Variants in SLC5A3 observed in about 807,000 individuals in gnomAD.
SLC5A3 encodes the protein sodium/myo-inositol cotransporter.
In SLC5A3, 10 loss-of-function variants were observed where a neutral mutation model predicts 43.2. That is an observed-to-expected ratio of 0.23 (90% confidence interval 0.14 to 0.39). The LOEUF is 0.39. SLC5A3 is among the 10% of genes least tolerant of loss of function. SLC5A3 has a pLI of 1.00. For missense variants in SLC5A3, 608 were observed against 893.4 expected (o/e 0.68, Z 4.07); for synonymous variants, 349 against 322.0 (o/e 1.08, Z -0.90).
intron 1 of SLC5A3, among the ~76,000 whole-genome samples, chr21:34,094,558 A>G (rs1978876200): frequency 2.0e-5 from 3 of 152,124 alleles, no homozygotes; most frequent in Admixed American, 6.5e-5. Context: ...ATCTGAGCAT[A>G]CCACAGTAAG....
Position 34,106,089 on chromosome 21 carries a change from T to C in SLC5A3, c.*8734T>C, listed in dbSNP as rs543331053. 1 of 999,394 alleles carries C rather than the reference T, an allele frequency of 1.0e-6. No individual in the cohort carries two copies. Among genetic ancestry groups the C allele is most frequent in the African/African-American group, 1.7e-5 (1 of 57,370 alleles). 61.9% of individuals were successfully genotyped at this position (999,394 alleles called of 1,614,324 possible). ...ACTGTTCTTTGTGTACTGTGTGTTA[T>C]TTTGCCAGCTGCTGCATTAGCCTTC... On this transcript the variant is annotated 3_prime_UTR_variant, in exon 2 of 2. Coordinates refer to ENST00000381151, the MANE Select transcript of SLC5A3 (RefSeq NM_006933.7).
chr21:34,105,865 A>T lies in SLC5A3; in HGVS notation c.*8510A>T, dbSNP rs1001139876. 1 of 993,752 alleles carries T rather than the reference A, an allele frequency of 1.0e-6. No homozygotes were observed. Among genetic ancestry groups the T allele is most frequent in the African/African-American group, 1.7e-5 (1 of 57,268 alleles). The allele number at this position is 993,752 out of a possible 1,614,324, so 61.6% of individuals were successfully genotyped here. A position where few individuals can be genotyped will look rare whatever the true frequency, so the allele number is the denominator to read the frequency against. On this transcript the variant is annotated 3_prime_UTR_variant, in exon 2 of 2. Transcript: ENST00000381151. ...TCTATATTGAAAGGAGTACAGTTGA[A>T]ATTGTAGATTTAAGATTGTTAAAAT... is the stretch of plus-strand genomic sequence containing the variant.
intron 1 of SLC5A3, among the ~76,000 whole-genome samples, chr21:34,081,811 GTTTA>G (rs1373769212): frequency 6.6e-6 from 1 of 152,116 alleles, no homozygotes; most frequent in Non-Finnish European, 1.5e-5. Flanking sequence ...ATTATTCCCA[GTTTA>G]TTAATGAAGA....
At chr21:34,086,550 T>G (rs919384505) in intron 1 of SLC5A3, among the ~76,000 whole-genome samples, 1 of 151,436 alleles carries the variant, frequency 6.6e-6, no homozygotes, top group African/African-American at 2.4e-5. Context: ...TGTGTGTGTA[T>G]CTTCCTGAAA....
At position 34,097,222 on chromosome 21, in the gene SLC5A3, G is replaced by C; in HGVS notation, c.2024G>C (p.Arg675Thr). Residue 675 changes from arginine to threonine, a missense_variant, in exon 2 of 2, where the codon AGA becomes ACA. Around this residue, in one of 2 missense-constraint regions of SLC5A3, gnomAD observed 210 missense variants for 224.8 expected, o/e 0.93. Coordinates refer to ENST00000381151, the MANE Select transcript of SLC5A3 (RefSeq NM_006933.7). ...AAGAGCCTCAGCAAGAGGAGTCTCA[G>C]AGACCTGATGGAAGAGGAGGCTGTT... is the stretch of plus-strand genomic sequence containing the variant. ...KSKSLSKRSL[R>T]DLMEEEAVCL... is the part of the protein sequence containing the mutation. 6.2e-7 allele frequency: 1 copy of C among 1,614,078 alleles called. No homozygotes were observed. The highest frequency in any genetic ancestry group is 8.5e-7 in the Non-Finnish European group (1 of 1,179,944).
intron 1 of SLC5A3, among the ~76,000 whole-genome samples, chr21:34,079,106 C>T (rs1425439707): frequency 6.6e-6 from 1 of 152,184 alleles, no homozygotes; most frequent in Non-Finnish European, 1.5e-5. Flanking sequence ...AGTTGGCAGC[C>T]TGTGGCTTCC....
rs912466475 is a variant in SLC5A3 at position 34,104,567 on chromosome 21, G to T, written c.*7212G>T. 1 of 999,166 alleles carries T rather than the reference G, an allele frequency of 1.0e-6. No homozygotes were observed. Among genetic ancestry groups the T allele is most frequent in the Non-Finnish European group, 1.2e-6 (1 of 829,136 alleles). The allele number at this position is 999,166 out of a possible 1,614,324, so 61.9% of individuals were successfully genotyped here. A position where few individuals can be genotyped will look rare whatever the true frequency, so the allele number is the denominator to read the frequency against. On this transcript the variant is annotated 3_prime_UTR_variant, in exon 2 of 2. Transcript: ENST00000381151. ...ATCTAGAAGGAAGACTATATCTGGT[G>T]TAGACTAATATGAGATGTTTTAGAA...
chr21:34,097,758 CTG>C lies in SLC5A3; in HGVS notation c.*405_*406del. ...CATTTCTAAATTTTTTTTTCTGTCT[CTG>C]TAATCCCTCCTACCATTAAGAAAAA... On this transcript the variant is annotated 3_prime_UTR_variant, in exon 2 of 2. Coordinates refer to ENST00000381151, the MANE Select transcript of SLC5A3 (RefSeq NM_006933.7). 3 of 1,004,082 alleles carry C rather than the reference CTG, an allele frequency of 3.0e-6. No homozygotes were observed. Among genetic ancestry groups the C allele is most frequent in the Non-Finnish European group, 3.6e-6 (3 of 832,538 alleles). The allele number at this position is 1,004,082 out of a possible 1,614,324, so 62.2% of individuals were successfully genotyped here.
At chr21:34,075,960 T>C (rs564154959) in intron 1 of SLC5A3, among the ~76,000 whole-genome samples, 2 of 152,348 alleles carry the variant, frequency 1.3e-5, no homozygotes, top group South Asian at 4.1e-4. Flanking sequence ...CGAGGCACTT[T>C]GTGCTTCTGT....
rs2032107 is a variant in SLC5A3 at position 34,102,305 on chromosome 21, T to C, written c.*4950T>C. ...TGTTTTTATTTAAACTTCTCTCTCT[T>C]CAATGCTGAGAATAAGGCTTTAAAT... On this transcript the variant is annotated 3_prime_UTR_variant, in exon 2 of 2. Coordinates refer to ENST00000381151, the MANE Select transcript of SLC5A3 (RefSeq NM_006933.7). 0.099 allele frequency: 99,200 copies of C among 998,448 alleles called. 9,933 individuals are homozygous for C. Among genetic ancestry groups the C allele is most frequent in the African/African-American group, 0.49 (27,925 of 57,168 alleles). 61.8% of individuals were successfully genotyped at this position (998,448 alleles called of 1,614,324 possible).
Position 34,097,438 on chromosome 21 carries a change from A to G in SLC5A3, c.*83A>G. ...AAAGTTATGTAACTGTGCATCTCTC[A>G]GGCATTGTTTACGCTGTAGGTTTTA... On this transcript the variant is annotated 3_prime_UTR_variant, in exon 2 of 2. Transcript: ENST00000381151. 6.6e-7 allele frequency: 1 copy of G among 1,504,350 alleles called. No homozygotes were observed. Among genetic ancestry groups the G allele is most frequent in the Non-Finnish European group, 8.9e-7 (1 of 1,129,732 alleles). The allele number at this position is 1,504,350 out of a possible 1,614,324, so 93.2% of individuals were successfully genotyped here. A position where few individuals can be genotyped will look rare whatever the true frequency, so the allele number is the denominator to read the frequency against.
rs988550533 is a variant in SLC5A3 at position 34,099,431 on chromosome 21, C to T, written c.*2076C>T. On this transcript the variant is annotated 3_prime_UTR_variant, in exon 2 of 2. Coordinates refer to ENST00000381151, the MANE Select transcript of SLC5A3 (RefSeq NM_006933.7). Reference sequence around the variant, plus strand: ...GGAACTGTTCTTCCTTTGGGACAACCTTTTGGTGTTTGGGAAAGTAATAAG... The same window carrying T: ...GGAACTGTTCTTCCTTTGGGACAACTTTTTGGTGTTTGGGAAAGTAATAAG... 1 of 999,998 alleles carries T rather than the reference C, an allele frequency of 1.0e-6. No individual in the cohort carries two copies. Among genetic ancestry groups the T allele is most frequent in the Non-Finnish European group, 1.2e-6 (1 of 829,846 alleles). The allele number at this position is 999,998 out of a possible 1,614,324, so 61.9% of individuals were successfully genotyped here. A position where few individuals can be genotyped will look rare whatever the true frequency, so the allele number is the denominator to read the frequency against.
rs182934815 is a variant in SLC5A3 at position 34,099,073 on chromosome 21, C to G, written c.*1718C>G. The G allele has an allele frequency of 1.0e-6, 1 of 998,914 alleles. No homozygotes were observed. The highest frequency in any genetic ancestry group is 1.2e-6 in the Non-Finnish European group (1 of 829,288). The allele number at this position is 998,914 out of a possible 1,614,324, so 61.9% of individuals were successfully genotyped here. A position where few individuals can be genotyped will look rare whatever the true frequency, so the allele number is the denominator to read the frequency against. ...GTCCAAAGTTAATTTTAGAAATTGT[C>G]AGGTAGCATAGTGTCTTCCCATGAT... is the stretch of plus-strand genomic sequence containing the variant. On this transcript the variant is annotated 3_prime_UTR_variant, in exon 2 of 2. Transcript: ENST00000381151.
intron 1 of SLC5A3, among the ~76,000 whole-genome samples, chr21:34,083,952 G>T (rs1462724045): frequency 1.3e-5 from 2 of 152,112 alleles, no homozygotes; most frequent in Non-Finnish European, 2.9e-5. Flanking sequence ...TATTTCCCTG[G>T]ATTTTTCTAT....
In SLC5A3 at chr21:34,100,950, T is replaced by G. The variant is rs184743483; in HGVS notation, c.*3595T>G. On this transcript the variant is annotated 3_prime_UTR_variant, in exon 2 of 2. Transcript: ENST00000381151. ...CAGTGTTAAAGCTTACAGGGTTAAC[T>G]TATGATGATTCTCCTGGCTCATTTT... 3 of 1,000,190 alleles carry G rather than the reference T, an allele frequency of 3.0e-6. No homozygotes were observed. In the Admixed American group the frequency reaches 1.8e-4, roughly 61 times the overall value. The allele number at this position is 1,000,190 out of a possible 1,614,324, so 62.0% of individuals were successfully genotyped here.
chr21:34,102,642 C>G lies in SLC5A3; in HGVS notation c.*5287C>G. ...TGTAATGACTCTTAAATTTGGTTAC[C>G]TGGGTTCACAGCTTGCTTGAAGAGA... On this transcript the variant is annotated 3_prime_UTR_variant, in exon 2 of 2. Transcript: ENST00000381151. The G allele has an allele frequency of 1.0e-6, 1 of 1,000,072 alleles. No individual in the cohort carries two copies. The highest frequency in any genetic ancestry group is 1.2e-6 in the Non-Finnish European group (1 of 829,868). The allele number at this position is 1,000,072 out of a possible 1,614,324, so 61.9% of individuals were successfully genotyped here.
chr21:34,086,646 T>C (rs1978398521), intron 1 of SLC5A3, among the ~76,000 whole-genome samples: 2 of 152,148 alleles, frequency 1.3e-5, no homozygotes, highest in Non-Finnish European at 2.9e-5. Flanking sequence ...ATGTCCTCAG[T>C]TTTCTCATTT....
chr21:34,102,794 A>G lies in SLC5A3; in HGVS notation c.*5439A>G. On this transcript the variant is annotated 3_prime_UTR_variant, in exon 2 of 2. Coordinates refer to ENST00000381151, the MANE Select transcript of SLC5A3 (RefSeq NM_006933.7). ...TACCACTGAAAAGCACTATAACATA[A>G]TTGTTGTCCATGATACTGAAGCTTT... 1.4e-5 allele frequency: 14 copies of G among 1,000,056 alleles called. No individual in the cohort carries two copies. Among genetic ancestry groups the G allele is most frequent in the Non-Finnish European group, 1.7e-5 (14 of 829,860 alleles). The allele number at this position is 1,000,056 out of a possible 1,614,324, so 61.9% of individuals were successfully genotyped here.
At chr21:34,089,413 A>G (rs1978565919) in intron 1 of SLC5A3, among the ~76,000 whole-genome samples, 1 of 151,820 alleles carries the variant, frequency 6.6e-6, no homozygotes, top group Non-Finnish European at 1.5e-5. Context: ...AGTTAAAACC[A>G]GTAGTAGTTT....
Sources: gnomAD v4.1 joint callset for allele counts (sites outside exome capture counted in the v4.1 genomes callset) on GRCh38, gnomAD v4.1.1 for gene constraint, gnomAD v4.1.1 regional missense constraint, MANE v1.5 for transcripts, NCBI Gene and HGNC (gene_info 2026-07-23, HGNC 2026-07-21) for gene names.